The following RBM33 variants were observed in gnomAD, a reference collection of about 807,000 sequenced individuals.
RBM33 encodes the protein RNA-binding protein 33.
A neutral mutation model predicts 132.6 loss-of-function variants in RBM33; 28 were observed. The observed-to-expected ratio is 0.21, with a 90% CI of 0.16 to 0.29. The LOEUF (loss-of-function observed/expected upper bound fraction) is 0.29. RBM33 is among the 10% of genes least tolerant of loss of function. The probability of loss-of-function intolerance (pLI) is 1.00; values close to 1 mark genes in which losing one functional copy is unlikely to be tolerated. For missense variants in RBM33, 1,291 were observed against 1,518.5 expected, an observed-to-expected ratio of 0.85 and a Z score of 2.49; for synonymous variants, 634 against 593.0, an observed-to-expected ratio of 1.07 and a Z score of -1.01.
intron 1 of RBM33, among the ~76,000 whole-genome samples, chr7:155,664,917 G>T (rs1298645514): frequency 2.7e-5 from 4 of 148,990 alleles, no homozygotes; most frequent in Non-Finnish European, 4.5e-5. Context: ...AACATTTGAG[G>T]TTTTTTTTTT....
chr7:155,732,368 C>T (rs1243776632), intron 9 of RBM33, among the ~76,000 whole-genome samples: 1 of 152,164 alleles, frequency 6.6e-6, no homozygotes, highest in African/African-American at 2.4e-5. Context: ...AGGACTCTCC[C>T]CCTTTCTCTA....
intron 1 of RBM33, among the ~76,000 whole-genome samples, chr7:155,659,606 C>G (rs1019334857): frequency 6.6e-6 from 1 of 152,088 alleles, no homozygotes; most frequent in Non-Finnish European, 1.5e-5. Context: ...GGGACACCAC[C>G]AAGTGTACTT....
In RBM33 at chr7:155,737,755, C is replaced by T. The variant is rs539085868; in HGVS notation, c.1393+93C>T. 131 of 1,348,424 alleles carry T rather than the reference C, an allele frequency of 9.7e-5. No homozygotes were observed. In the African/African-American group the frequency reaches 1.8e-3, roughly 18 times the overall value. The allele number at this position is 1,348,424 out of a possible 1,614,324, so 83.5% of individuals were successfully genotyped here. ...TATTTTGTAAACTGAATTGAACTCC[C>T]AGTTGGAGATGTTAGGAATGCCAGG... On this transcript the variant is annotated intron_variant, in intron 10 of 17. Transcript: ENST00000401878.
intron 2 of RBM33, among the ~76,000 whole-genome samples, chr7:155,665,807 T>TTAA (rs573241144): frequency 3.3e-5 from 5 of 151,956 alleles, no homozygotes; most frequent in Non-Finnish European, 5.9e-5. Context: ...TGGCAAGGAG[T>TTAA]TAATAATAGA....
chr7:155,706,792 GT>G (rs1053128456), intron 6 of RBM33, 67 bp from the exon 7 acceptor site: 5 of 1,289,534 alleles, frequency 3.9e-6, no homozygotes, highest in Non-Finnish European at 4.3e-6. Flanking sequence ...ATTCTTTCCT[GT>G]TCTCTCCCTA....
In RBM33 at chr7:155,779,044, G is replaced by A. The variant is rs769098426; in HGVS notation, c.*4003G>A. ...GTGCGGTGTCTGCAGTGCCCTTTGTGGGTGACTTCAGGCTTCCCGCTTTCG... is the reference window on the plus strand; with the variant it reads ...GTGCGGTGTCTGCAGTGCCCTTTGTAGGTGACTTCAGGCTTCCCGCTTTCG... On this transcript the variant is annotated 3_prime_UTR_variant, in exon 18 of 18. Coordinates refer to ENST00000401878, the MANE Select transcript of RBM33 (RefSeq NM_053043.3). The A allele has an allele frequency of 3.9e-5, 6 of 152,268 alleles. No homozygotes were observed. Among genetic ancestry groups the A allele is most frequent in the Non-Finnish European group, 7.3e-5 (5 of 68,092 alleles). 9.4% of individuals were successfully genotyped at this position (152,268 alleles called of 1,614,324 possible). A position where few individuals can be genotyped will look rare whatever the true frequency, so the allele number is the denominator to read the frequency against.
At chr7:155,662,961 A>C (rs1335673547) in intron 1 of RBM33, among the ~76,000 whole-genome samples, 3 of 151,660 alleles carry the variant, frequency 2.0e-5, no homozygotes, top group African/African-American at 7.3e-5. Context: ...CTGGTTTAAA[A>C]CCCATTAATT....
intron 14 of RBM33, among the ~76,000 whole-genome samples, chr7:155,759,226 A>AATT (rs1410470004): frequency 1.3e-5 from 2 of 152,242 alleles, no homozygotes; most frequent in Non-Finnish European, 2.9e-5. Context: ...TGAACTTTAA[A>AATT]TAGAGATCAA....
rs138643234 is a variant in RBM33 at position 155,677,838 on chromosome 7, T to C, written c.172-770T>C. ...ATGAATATGTGTGAATGACAGTGTGTGTGTGGCTTTGACTGGCTTTCGTGA... is the reference window on the plus strand; with the variant it reads ...ATGAATATGTGTGAATGACAGTGTGCGTGTGGCTTTGACTGGCTTTCGTGA... On this transcript the variant is annotated intron_variant, in intron 3 of 17. Coordinates refer to ENST00000401878, the MANE Select transcript of RBM33 (RefSeq NM_053043.3). 2.0e-3 allele frequency among the ~76,000 whole-genome samples: 306 copies of C among 152,328 alleles called. 1 individual carries two copies. Among genetic ancestry groups the C allele is most frequent in the African/African-American group, 6.7e-3 (278 of 41,570 alleles).
intron 14 of RBM33, among the ~76,000 whole-genome samples, chr7:155,759,595 A>T (rs1252391997): frequency 6.6e-6 from 1 of 151,332 alleles, no homozygotes; most frequent in Admixed American, 6.6e-5. Context: ...TTTTTTTTGT[A>T]TTTTTAGTAG....
intron 3 of RBM33, among the ~76,000 whole-genome samples, chr7:155,673,796 A>C (rs1392848516): frequency 2.1e-5 from 3 of 142,798 alleles, no homozygotes; most frequent in Admixed American, 1.4e-4. Flanking sequence ...ACACACACAC[A>C]CACACCCCTA....
Position 155,735,497 on chromosome 7 carries a change from G to A in RBM33, c.1261-2033G>A, listed in dbSNP as rs76657517. Among the ~76,000 whole-genome samples the A allele has an allele frequency of 1.8e-3, 267 of 152,156 alleles. 6 individuals carry two copies. In the East Asian group the frequency reaches 0.045, roughly 25 times the overall value. On this transcript the variant is annotated intron_variant, in intron 9 of 17. Coordinates refer to ENST00000401878, the MANE Select transcript of RBM33 (RefSeq NM_053043.3). Reference sequence around the variant, plus strand: ...AGGTGGAAGAATCATTTGAGCCCAGGCGTTCAAGACCAACTTGGGCAACAT... The same window carrying A: ...AGGTGGAAGAATCATTTGAGCCCAGACGTTCAAGACCAACTTGGGCAACAT...
chr7:155,764,858 T>A (rs893040512), intron 15 of RBM33, among the ~76,000 whole-genome samples: 1 of 152,266 alleles, frequency 6.6e-6, no homozygotes, highest in African/African-American at 2.4e-5. Context: ...CTATTCTGGC[T>A]CCTTTTGAAG....
intron 1 of RBM33, among the ~76,000 whole-genome samples, chr7:155,652,683 T>C (rs562336250): frequency 6.6e-6 from 1 of 152,358 alleles, no homozygotes; most frequent in East Asian, 1.9e-4. Context: ...GTACAATGTT[T>C]AGGCCTTAGA....
intron 15 of RBM33, among the ~76,000 whole-genome samples, chr7:155,764,946 C>T (rs1446801923): frequency 6.6e-6 from 1 of 152,216 alleles, no homozygotes; most frequent in Non-Finnish European, 1.5e-5. Context: ...TACTAGAAAA[C>T]AGATGTGTAG....
At position 155,739,867 on chromosome 7, in the gene RBM33, G is replaced by A. The variant is rs1414421884; in HGVS notation, c.1890G>A (p.Pro630=). The change falls in exon 12 of 18, where the codon CCG becomes CCA. Residue 630 remains proline (P), a synonymous_variant. Transcript: ENST00000401878. ...QPPPQHPPQH[P]PQHQHHHHHH... is the part of the protein sequence containing the mutation. ...CACCCCAGCACCCACCACAGCACCC[G>A]CCGCAGCACCAGCACCACCACCACC... 130 of 1,056,022 alleles carry A rather than the reference G, an allele frequency of 1.2e-4. No individual in the cohort carries two copies. The highest frequency in any genetic ancestry group is 1.4e-4 in the Non-Finnish European group (118 of 815,694). 65.4% of individuals were successfully genotyped at this position (1,056,022 alleles called of 1,614,324 possible). A position where few individuals can be genotyped will look rare whatever the true frequency, so the allele number is the denominator to read the frequency against.
At chr7:155,735,376 C>G (rs1801084181) in intron 9 of RBM33, among the ~76,000 whole-genome samples, 1 of 152,176 alleles carries the variant, frequency 6.6e-6, no homozygotes, top group Non-Finnish European at 1.5e-5. Context: ...AGTAATTTTT[C>G]TAGCATATTA....
intron 2 of RBM33, among the ~76,000 whole-genome samples, chr7:155,669,529 T>C (rs1238365827): frequency 1.3e-5 from 2 of 152,154 alleles, no homozygotes; most frequent in African/African-American, 4.8e-5. Flanking sequence ...ATATTTATAT[T>C]TTTAGTAGAG....
At chr7:155,663,360 G>A (rs573002224) in intron 1 of RBM33, among the ~76,000 whole-genome samples, 1 of 151,972 alleles carries the variant, frequency 6.6e-6, no homozygotes, top group Non-Finnish European at 1.5e-5. Context: ...TGGTGTCAGC[G>A]CCTGCTCAGT....
Sources: gnomAD v4.1 joint callset for allele counts (sites outside exome capture counted in the v4.1 genomes callset) on GRCh38, gnomAD v4.1.1 for gene constraint, MANE v1.5 for transcripts, NCBI Gene and HGNC (gene_info 2026-07-23, HGNC 2026-07-21) for gene names.